Variants in CTNNA2 observed in about 807,000 individuals in gnomAD.
CTNNA2 encodes the protein catenin alpha 2.
Under a neutral mutation model 101.0 loss-of-function variants are expected in CTNNA2, and 42 were observed. That is an observed-to-expected ratio of 0.42 (90% CI 0.32 to 0.54). The LOEUF (loss-of-function observed/expected upper bound fraction) is 0.54. Ranked by LOEUF, CTNNA2 falls within the 20% of genes least tolerant of loss-of-function variation. The pLI is 0.14. For synonymous variants in CTNNA2, 450 were observed against 456.4 expected, an observed-to-expected ratio of 0.99 and a Z score of 0.18; for missense variants, 871 against 1,223.1, an observed-to-expected ratio of 0.71 and a Z score of 4.29.
At chr2:79,837,316 C>G (rs962373027) in intron 3 of CTNNA2, among the ~76,000 whole-genome samples, 1 of 152,202 alleles carries the variant, frequency 6.6e-6, no homozygotes, top group Non-Finnish European at 1.5e-5. Context: ...CCAGTGTCTT[C>G]TTTCCACATT....
intron 2 of CTNNA2, among the ~76,000 whole-genome samples, chr2:79,727,839 G>C (rs1161476542): frequency 6.7e-6 from 1 of 148,916 alleles, no homozygotes; most frequent in Non-Finnish European, 1.5e-5. Flanking sequence ...TTGGTTTTTT[G>C]TTCTTGCGAT....
chr2:80,447,990 G>A (rs533350749), intron 9 of CTNNA2, among the ~76,000 whole-genome samples: 7 of 152,260 alleles, frequency 4.6e-5, no homozygotes, highest in South Asian at 2.1e-4. Context: ...ATGTTCTCCC[G>A]AATATTTGTG....
intron 7 of CTNNA2, among the ~76,000 whole-genome samples, chr2:80,218,287 G>A (rs953309581): frequency 1.3e-5 from 2 of 152,230 alleles, no homozygotes; most frequent in Non-Finnish European, 2.9e-5. Flanking sequence ...CATCTTATGG[G>A]AAGAGGCTGA....
chr2:80,209,844 G>C (rs1227039346), intron 7 of CTNNA2, among the ~76,000 whole-genome samples: 1 of 152,062 alleles, frequency 6.6e-6, no homozygotes, highest in Non-Finnish European at 1.5e-5. Context: ...TGCTAGCATA[G>C]ACCTGTAGTA....
chr2:80,166,376 T>G (rs1450364229), intron 7 of CTNNA2, among the ~76,000 whole-genome samples: 1 of 152,118 alleles, frequency 6.6e-6, no homozygotes, highest in Non-Finnish European at 1.5e-5. Flanking sequence ...GGCCAATGAT[T>G]TAATCAACCA....
intron 7 of CTNNA2, among the ~76,000 whole-genome samples, chr2:80,118,126 C>T (rs1701628067): frequency 6.8e-6 from 1 of 147,456 alleles, no homozygotes; most frequent in African/African-American, 2.4e-5. Flanking sequence ...TATCTGTGTT[C>T]CTTGTTTTGA....
intron 7 of CTNNA2, among the ~76,000 whole-genome samples, chr2:80,078,539 G>T (rs1484150336): frequency 1.3e-5 from 2 of 152,180 alleles, no homozygotes; most frequent in Non-Finnish European, 2.9e-5. Flanking sequence ...GAACAGCCCC[G>T]CGGGCATCTG....
At chr2:80,190,935 C>T (rs979203018) in intron 7 of CTNNA2, among the ~76,000 whole-genome samples, 6 of 152,236 alleles carry the variant, frequency 3.9e-5, no homozygotes, top group Admixed American at 6.5e-5. Context: ...TGGGAGGAGA[C>T]GAGACAGCTG....
At chr2:80,330,452 C>A (rs1458507178) in intron 7 of CTNNA2, among the ~76,000 whole-genome samples, 1 of 150,906 alleles carries the variant, frequency 6.6e-6, no homozygotes, top group African/African-American at 2.4e-5. Flanking sequence ...GAATCTAGGT[C>A]TTTCTGACCC....
chr2:80,605,450 G>C (rs530031795), intron 16 of CTNNA2: 57 of 152,058 alleles, frequency 3.7e-4, no homozygotes, highest in Admixed American at 3.7e-3. Flanking sequence ...GCAGTACATT[G>C]ATGCAAGCTG....
At chr2:79,224,730 T>C (rs1674386901) in intron 2 of CTNNA2, among the ~76,000 whole-genome samples, 2 of 151,864 alleles carry the variant, frequency 1.3e-5, no homozygotes, top group South Asian at 2.1e-4. Context: ...TCTCCTCATA[T>C]GCTTTTTCAA....
intron 1 of CTNNA2, among the ~76,000 whole-genome samples, chr2:79,190,216 T>C (rs1673835124): frequency 6.6e-6 from 1 of 152,040 alleles, no homozygotes; most frequent in Non-Finnish European, 1.5e-5. Context: ...TCAAATCCTT[T>C]ACATTCTACC....
At chr2:80,369,595 A>G (rs1285556802) in intron 7 of CTNNA2, among the ~76,000 whole-genome samples, 1 of 152,156 alleles carries the variant, frequency 6.6e-6, no homozygotes, top group Non-Finnish European at 1.5e-5. Flanking sequence ...TAAGTCCTGG[A>G]ACCCATGAAT....
At chr2:80,239,100 T>G (rs1194452038) in intron 7 of CTNNA2, among the ~76,000 whole-genome samples, 1 of 152,188 alleles carries the variant, frequency 6.6e-6, no homozygotes. Context: ...TAATTGAATA[T>G]AGTAACCAAT....
intron 7 of CTNNA2, chr2:80,027,908 A>G (rs948261787): frequency 6.8e-6 from 1 of 146,918 alleles, no homozygotes. Flanking sequence ...AGGATTTTGA[A>G]GCTGCACTGA....
intron 1 of CTNNA2, among the ~76,000 whole-genome samples, chr2:79,546,216 C>T (rs998363864): frequency 6.6e-6 from 1 of 152,152 alleles, no homozygotes; most frequent in Non-Finnish European, 1.5e-5. Flanking sequence ...CACATACTCT[C>T]ACTCAGATGG....
intron 7 of CTNNA2, among the ~76,000 whole-genome samples, chr2:80,139,419 T>C (rs1702875000): frequency 6.6e-6 from 1 of 152,164 alleles, no homozygotes; most frequent in Admixed American, 6.6e-5. Flanking sequence ...TTTCTTTTAT[T>C]CTTAAATATG....
At chr2:79,214,041 C>G (rs570825872) in intron 2 of CTNNA2, among the ~76,000 whole-genome samples, 4 of 152,032 alleles carry the variant, frequency 2.6e-5, no homozygotes, top group Non-Finnish European at 5.9e-5. Context: ...ACTAACTATG[C>G]CTAGGAAGGA....
At chr2:80,005,636 C>T (rs1394878557) in intron 7 of CTNNA2, among the ~76,000 whole-genome samples, 1 of 149,812 alleles carries the variant, frequency 6.7e-6, no homozygotes, top group African/African-American at 2.4e-5. Context: ...CATAGATCAG[C>T]TATGGGGAAG....
Sources: allele counts gnomAD v4.1 joint callset (sites outside exome capture counted in the v4.1 genomes callset), GRCh38; gene constraint gnomAD v4.1.1; transcripts MANE v1.5; gene names NCBI Gene and HGNC (gene_info 2026-07-23, HGNC 2026-07-21).